The following SMIM35 variants were observed in gnomAD, a reference collection of about 807,000 sequenced individuals.
SMIM35 encodes the protein TMPRSS4 antisense RNA 1 (non-protein coding).
intron 1 of SMIM35, among the ~76,000 whole-genome samples, chr11:118,080,215 G>A (rs1347254388): frequency 6.6e-6 from 1 of 152,172 alleles, no homozygotes; most frequent in Non-Finnish European, 1.5e-5. Context: ...TAGGGAAGTC[G>A]GGAAATTGTC....
Position 118,014,723 on chromosome 11 carries a change from T to C in SMIM35, c.143A>G (p.Asn48Ser). 1 of 398,976 alleles carries C rather than the reference T, an allele frequency of 2.5e-6. No individual in the cohort carries two copies. 24.7% of individuals were successfully genotyped at this position (398,976 alleles called of 1,614,324 possible). Residue 48 changes from asparagine to serine, a missense_variant, in exon 3 of 5, where the codon AAC (asparagine) becomes AGC (serine). Transcript: ENST00000689828. Reference sequence around the variant, plus strand: ...ATTTACTCACCGGATTTGATATAAGTTGAAGACAAAATTAGGCCCTAGGAA... The same window carrying C: ...ATTTACTCACCGGATTTGATATAAGCTGAAGACAAAATTAGGCCCTAGGAA... ...YCWEGPNFVFNLYQIRNLKDL... is the reference protein window; with the variant it reads ...YCWEGPNFVFSLYQIRNLKDL...
chr11:118,043,006 G>A (rs1944031017), intron 1 of SMIM35, among the ~76,000 whole-genome samples: 1 of 152,208 alleles, frequency 6.6e-6, no homozygotes, highest in Non-Finnish European at 1.5e-5. Context: ...TCCTCAACCT[G>A]ACAAAGAGCC....
chr11:118,085,495 T>A (rs1168309773), intron 1 of SMIM35, among the ~76,000 whole-genome samples: 1 of 152,080 alleles, frequency 6.6e-6, no homozygotes, highest in Non-Finnish European at 1.5e-5. Context: ...CTCCCTGCCA[T>A]TTCCCTCCCT....
intron 1 of SMIM35, among the ~76,000 whole-genome samples, chr11:118,019,621 A>T (rs1409036773): frequency 1.3e-5 from 2 of 151,830 alleles, no homozygotes; most frequent in Admixed American, 6.6e-5. Flanking sequence ...ATTTTAATCA[A>T]ATTTATCTAT....
At chr11:118,034,956 A>AT (rs377179849) in intron 1 of SMIM35, among the ~76,000 whole-genome samples, 35,819 of 141,818 alleles carry the variant, frequency 0.25, 5,026 homozygotes, top group Non-Finnish European at 0.33. Flanking sequence ...TTCCTTCTGA[A>AT]TTTTTTTTTT....
intron 1 of SMIM35, among the ~76,000 whole-genome samples, chr11:118,051,800 CA>C (rs1461439493): frequency 6.6e-6 from 1 of 150,628 alleles, no homozygotes; most frequent in Non-Finnish European, 1.5e-5. Context: ...ACTGGTGCCC[CA>C]GCAGGGCAAT....
At chr11:118,034,287 CA>C (rs2058341352) in intron 1 of SMIM35, among the ~76,000 whole-genome samples, 1 of 151,732 alleles carries the variant, frequency 6.6e-6, no homozygotes. Context: ...CACACACACA[CA>C]AAAAAAGAAA....
At chr11:118,076,406 C>A (rs561386010) in intron 1 of SMIM35, among the ~76,000 whole-genome samples, 1 of 152,018 alleles carries the variant, frequency 6.6e-6, no homozygotes, top group Non-Finnish European at 1.5e-5. Context: ...GAGATTGCGC[C>A]CCTGCACTCC....
Position 118,028,217 on chromosome 11 carries a change from C to T in SMIM35, c.8-12408G>A, listed in dbSNP as rs548284305. ...GTCAGTGTAGACAACATCGTCTCCC[C>T]GCATTTACACACAGGCATGCTCATT... On this transcript the variant is annotated intron_variant, in intron 1 of 4. Coordinates refer to ENST00000689828, the MANE Select transcript of SMIM35 (RefSeq NM_001394165.1). 5.9e-5 allele frequency among the ~76,000 whole-genome samples: 9 copies of T among 152,216 alleles called. No individual in the cohort carries two copies. The South Asian group carries it at 8.3e-4, about 14-fold the overall frequency.
At chr11:118,076,940 G>A (rs542122353) in intron 1 of SMIM35, 5 of 240,248 alleles carry the variant, frequency 2.1e-5, no homozygotes, top group Non-Finnish European at 4.0e-5. Context: ...CTGTTCTGAG[G>A]CCGAAGGTCC....
intron 1 of SMIM35, among the ~76,000 whole-genome samples, chr11:118,046,824 G>C (rs1591296507): frequency 6.6e-6 from 1 of 152,214 alleles, no homozygotes. Context: ...CTATTCATAT[G>C]AGAGTCGGTA....
chr11:118,041,906 C>A (rs935966803), intron 1 of SMIM35, among the ~76,000 whole-genome samples: 2 of 151,688 alleles, frequency 1.3e-5, no homozygotes, highest in Non-Finnish European at 2.9e-5. Flanking sequence ...CAAAAATTAG[C>A]TGGGCATGGT....
intron 1 of SMIM35, among the ~76,000 whole-genome samples, chr11:118,070,087 C>A: frequency 6.6e-6 from 1 of 152,088 alleles, no homozygotes; most frequent in Non-Finnish European, 1.5e-5. Flanking sequence ...GGAGGTCATT[C>A]CAAGTATATG....
Position 118,013,850 on chromosome 11 carries a change from G to A in SMIM35, c.189C>T (p.Pro63=). ...TGCTGATGTGACCACTGATGGTGAA[G>A]GGTGGACCCATCTCCAGATCCTTCA... ...RNLKDLEMGP[P]FTISGHISST... is the part of the protein sequence containing the mutation. Residue 63 remains proline (P), a synonymous_variant, in exon 4 of 5, where the codon CCC becomes CCT. Transcript: ENST00000689828. The A allele has an allele frequency of 1.3e-5, 5 of 399,066 alleles. No individual in the cohort carries two copies. The highest frequency in any genetic ancestry group is 2.2e-5 in the Non-Finnish European group (5 of 226,096). 24.7% of individuals were successfully genotyped at this position (399,066 alleles called of 1,614,324 possible).
intron 2 of SMIM35, 149 bp downstream of exon 2, chr11:118,015,544 A>T: frequency 2.5e-6 from 1 of 396,602 alleles, no homozygotes; most frequent in Non-Finnish European, 4.4e-6. Context: ...TCAGCCACCC[A>T]CTCAAGTCTT....
At chr11:118,024,027 AG>A (rs1281420523) in intron 1 of SMIM35, among the ~76,000 whole-genome samples, 10 of 144,692 alleles carry the variant, frequency 6.9e-5, no homozygotes, top group East Asian at 2.6e-4. Flanking sequence ...AAAAAAAAAA[AG>A]AAAGAAAGAA....
At chr11:118,048,662 G>A (rs12364267) in intron 1 of SMIM35, among the ~76,000 whole-genome samples, 13,227 of 151,238 alleles carry the variant, frequency 0.087, 1,105 homozygotes, top group East Asian at 0.4. Context: ...AAGAAATTAA[G>A]TAAATAATGA....
chr11:118,075,367 A>C (rs1944649303), intron 1 of SMIM35, among the ~76,000 whole-genome samples: 1 of 152,250 alleles, frequency 6.6e-6, no homozygotes, highest in Non-Finnish European at 1.5e-5. Context: ...GCCACACTGC[A>C]TTCATCAGCT....
At chr11:118,016,134 T>C (rs1204008094) in intron 1 of SMIM35, among the ~76,000 whole-genome samples, 1 of 151,742 alleles carries the variant, frequency 6.6e-6, no homozygotes, top group Non-Finnish European at 1.5e-5. Flanking sequence ...GCCTGGGAGG[T>C]CCAGCCTCAG....
Sources: allele counts gnomAD v4.1 joint callset (sites outside exome capture counted in the v4.1 genomes callset), GRCh38; gene constraint gnomAD v4.1.1; transcripts MANE v1.5; gene names NCBI Gene and HGNC (gene_info 2026-07-23, HGNC 2026-07-21).